Variants in CNTNAP3B observed in about 807,000 individuals in gnomAD.
The protein encoded by CNTNAP3B is contactin-associated protein-like 3B.
Under a neutral mutation model 108.9 loss-of-function variants are expected in CNTNAP3B, and 25 were observed. The ratio of observed to expected loss-of-function variants is 0.23; its 90% CI spans 0.17 to 0.32. The LOEUF is 0.32. Ranked by LOEUF, CNTNAP3B falls within the 10% of genes least tolerant of loss-of-function variation. CNTNAP3B has a pLI of 1.00. For missense variants in CNTNAP3B, 252 were observed against 1,210.4 expected (o/e 0.21, Z 11.75); for synonymous variants, 103 against 473.4 (o/e 0.22, Z 10.16).
intron 3 of CNTNAP3B, among the ~76,000 whole-genome samples, chr9:42,043,086 A>T (rs1236809121): frequency 6.8e-6 from 1 of 146,620 alleles, no homozygotes; most frequent in Non-Finnish European, 1.5e-5. Flanking sequence ...TTTCATTGTC[A>T]TGACAACCAT....
rs780644881 is a variant in CNTNAP3B, at chr9:41,996,287, T to A, written c.989A>T (p.His330Leu). 5 of 1,540,410 alleles carry A rather than the reference T, an allele frequency of 3.2e-6. 1 individual carries two copies. Among genetic ancestry groups the A allele is most frequent in the Non-Finnish European group, 4.4e-6 (5 of 1,137,564 alleles). Reference sequence around the variant, plus strand: ...ATAATAAAGATTTTCTAAACACCCATGAAAGCTTTTACGTGTGAATGCCCG... The same window carrying A: ...ATAATAAAGATTTTCTAAACACCCAAGAAAGCTTTTACGTGTGAATGCCCG... ...RSRAFTRKSFHGCLENLYYNG... is the reference protein window; with the variant it reads ...RSRAFTRKSFLGCLENLYYNG... The change falls in exon 7 of 24, where the codon CAT (histidine) becomes CTT (leucine). Residue 330 changes from histidine to leucine, a missense_variant. Physicochemically the swap from His to Leu is moderately conservative, Grantham distance 99 (BLOSUM62 -3). Transcript: ENST00000377561.
chr9:41,928,121 G>A (rs1332187705), intron 15 of CNTNAP3B, among the ~76,000 whole-genome samples: 1 of 152,266 alleles, frequency 6.6e-6, no homozygotes, highest in Non-Finnish European at 1.5e-5. Context: ...TATCTGTCAA[G>A]AGCTGTGAAG....
chr9:41,934,130 CA>C (rs1824075508), intron 14 of CNTNAP3B, among the ~76,000 whole-genome samples: 1 of 116,500 alleles, frequency 8.6e-6, no homozygotes, highest in Admixed American at 9.1e-5. Context: ...TATACACACA[CA>C]TATATATATA....
chr9:41,941,542 T>C (rs1824343317), intron 13 of CNTNAP3B, among the ~76,000 whole-genome samples: 1 of 143,744 alleles, frequency 7.0e-6, no homozygotes, highest in African/African-American at 2.6e-5. Flanking sequence ...AATTGAGACT[T>C]CTGGTTTCCA....
At chr9:41,934,106 T>TATATATATACAC (rs1824068872) in intron 14 of CNTNAP3B, among the ~76,000 whole-genome samples, 1 of 132,416 alleles carries the variant, frequency 7.6e-6, no homozygotes, top group African/African-American at 3.0e-5. Flanking sequence ...GTTACATATA[T>TATATATATACAC]ATATATATAT....
At chr9:41,924,799 C>T (rs1823767733) in intron 15 of CNTNAP3B, among the ~76,000 whole-genome samples, 2 of 152,260 alleles carry the variant, frequency 1.3e-5, no homozygotes, top group Non-Finnish European at 2.9e-5. Context: ...ATTACTCAGG[C>T]CTCTTTAGTG....
intron 9 of CNTNAP3B, among the ~76,000 whole-genome samples, chr9:41,972,660 G>C (rs1181464597): frequency 7.4e-6 from 1 of 135,410 alleles, no homozygotes; most frequent in African/African-American, 2.9e-5. Context: ...CACCATATTT[G>C]TTTAAAAGTT....
intron 14 of CNTNAP3B, among the ~76,000 whole-genome samples, chr9:41,933,685 T>C (rs1442907236): frequency 6.6e-5 from 10 of 152,292 alleles, no homozygotes; most frequent in African/African-American, 2.4e-4. Flanking sequence ...TTGGATTTTC[T>C]ATGTAGGCAA....
chr9:42,120,317 G>GA (rs2118742725), intron 1 of CNTNAP3B, among the ~76,000 whole-genome samples: 1 of 143,058 alleles, frequency 7.0e-6, no homozygotes, highest in East Asian at 2.1e-4. Context: ...AAAAAGTCAG[G>GA]AAACAACAGG....
intron 13 of CNTNAP3B, among the ~76,000 whole-genome samples, chr9:41,943,328 C>T (rs1206136430): frequency 2.0e-5 from 3 of 150,636 alleles, no homozygotes; most frequent in African/African-American, 7.3e-5. Context: ...ACATAATATC[C>T]AAACTGTTGG....
At chr9:41,959,437 T>G (rs548169443) in intron 12 of CNTNAP3B, among the ~76,000 whole-genome samples, 1 of 152,376 alleles carries the variant, frequency 6.6e-6, no homozygotes, top group South Asian at 2.1e-4. Context: ...TTAGCTAGAT[T>G]TTGTCAGTAG....
At chr9:42,035,915 C>A (rs187256723) in intron 3 of CNTNAP3B, among the ~76,000 whole-genome samples, 1 of 141,070 alleles carries the variant, frequency 7.1e-6, no homozygotes, top group Non-Finnish European at 1.5e-5. Context: ...CGAGCCCAGC[C>A]TGGCCAATAT....
intron 14 of CNTNAP3B, among the ~76,000 whole-genome samples, chr9:41,935,805 C>T (rs1369334123): frequency 3.3e-5 from 5 of 152,402 alleles, no homozygotes; most frequent in African/African-American, 1.2e-4. Context: ...TTAAAACCTG[C>T]TTCTCTCCTG....
chr9:41,933,226 T>C (rs972214838), intron 14 of CNTNAP3B, among the ~76,000 whole-genome samples: 1 of 148,664 alleles, frequency 6.7e-6, no homozygotes, highest in Non-Finnish European at 1.5e-5. Context: ...TTTTTTGTCA[T>C]GGGGGGGGCT....
At position 42,120,472 on chromosome 9, in the gene CNTNAP3B, G is replaced by A. The variant is rs1214830682; in HGVS notation, c.85+8538C>T. On this transcript the variant is annotated intron_variant, in intron 1 of 23. Transcript: ENST00000377561. ...ATTTGACCCAGCCATCCCATTACTG[G>A]GTATATACCCAAAGGATTATAAATC... 1.5e-5 allele frequency among the ~76,000 whole-genome samples: 2 copies of A among 137,356 alleles called. 1 individual carries two copies. The highest frequency in any genetic ancestry group is 1.4e-4 in the Admixed American group (2 of 13,838). 90.1% of individuals were successfully genotyped at this position (137,356 alleles called of 152,430 possible).
chr9:42,094,731 GAGA>G (rs1203132537), intron 2 of CNTNAP3B, among the ~76,000 whole-genome samples: 9 of 80,162 alleles, frequency 1.1e-4, no homozygotes, highest in African/African-American at 3.7e-4. Flanking sequence ...AGGAAGGAAG[GAGA>G]AGGAGGAGGA....
intron 14 of CNTNAP3B, among the ~76,000 whole-genome samples, chr9:41,934,412 G>A (rs1352709045): frequency 6.6e-6 from 1 of 152,362 alleles, no homozygotes; most frequent in African/African-American, 2.4e-5. Flanking sequence ...AGTAGAGACG[G>A]GGTTTCACCT....
chr9:41,915,859 T>C (rs1823503574), intron 18 of CNTNAP3B, among the ~76,000 whole-genome samples: 1 of 151,356 alleles, frequency 6.6e-6, no homozygotes, highest in Admixed American at 6.6e-5. Context: ...TATATAGGCC[T>C]TTTAATATAC....
At chr9:42,063,389 C>G (rs1318717773) in intron 3 of CNTNAP3B, among the ~76,000 whole-genome samples, 2 of 135,922 alleles carry the variant, frequency 1.5e-5, no homozygotes. Context: ...CTTCCCTGGC[C>G]TGTAAGGTTT....
Sources: gnomAD v4.1 joint callset for allele counts (sites outside exome capture counted in the v4.1 genomes callset) on GRCh38, gnomAD v4.1.1 for gene constraint, MANE v1.5 for transcripts, NCBI Gene and HGNC (gene_info 2026-07-23, HGNC 2026-07-21) for gene names.